Variants in PHIP observed in about 807,000 individuals in gnomAD.
PHIP encodes PHIP subunit of CUL4-Ring ligase complex, also known as PH-interacting protein.
Under a neutral mutation model 236.8 loss-of-function variants are expected in PHIP, and 54 were observed. The observed-to-expected ratio is 0.23, with a 90% confidence interval of 0.18 to 0.29. PHIP has a LOEUF of 0.29. Among genes scored for constraint, PHIP ranks in the 10% least tolerant of loss-of-function variants. The probability of loss-of-function intolerance (pLI) is 1.00; values close to 1 mark genes in which losing one functional copy is unlikely to be tolerated. For missense variants in PHIP, 1,370 were observed against 2,190.8 expected, an observed-to-expected ratio of 0.63 and a Z score of 7.48; for synonymous variants, 756 against 718.9, an observed-to-expected ratio of 1.05 and a Z score of -0.83.
chr6:79,047,719 A>C (rs1006396033), intron 6 of PHIP, among the ~76,000 whole-genome samples: 6 of 152,104 alleles, frequency 3.9e-5, no homozygotes, highest in Admixed American at 1.3e-4. Flanking sequence ...CAAATTTTAC[A>C]CAGTCAATTA....
intron 4 of PHIP, among the ~76,000 whole-genome samples, chr6:79,065,267 C>G (rs1773568663): frequency 6.6e-6 from 1 of 152,076 alleles, no homozygotes; most frequent in Non-Finnish European, 1.5e-5. Context: ...ATCAAGTCAC[C>G]CCTACTTAAA....
chr6:79,047,456 T>C (rs79595576), intron 6 of PHIP, among the ~76,000 whole-genome samples: 1,724 of 152,306 alleles, frequency 0.011, 31 homozygotes, highest in African/African-American at 0.039. Context: ...CTATTGTCTA[T>C]AGCAATCACT....
At position 79,077,498 on chromosome 6, in the gene PHIP, G is replaced by C; in HGVS notation, c.139C>G (p.Arg47Gly). ...REVAEKELLP[R>G]RTDWTGKEHP... ...TCCTTCCCGGTCCAGTCGGTGCGCC[G>C]GGGCAGCAGCTGCGGGGAGAGGACA... is the stretch of plus-strand genomic sequence containing the variant. The change falls in exon 4 of 40, where the codon CGG becomes GGG. Residue 47 changes from arginine (R) to glycine (G), a missense_variant. Physicochemically the swap from Arg to Gly is moderately radical, Grantham distance 125. Transcript: ENST00000275034. The C allele has an allele frequency of 6.4e-7, 1 of 1,556,776 alleles. No homozygotes were observed. Among genetic ancestry groups the C allele is most frequent in the Non-Finnish European group, 8.7e-7 (1 of 1,150,554 alleles).
chr6:78,946,397 G>A, intron 37 of PHIP, 137 bp from the exon 38 acceptor site: 1 of 1,390,202 alleles, frequency 7.2e-7, no homozygotes, highest in Non-Finnish European at 9.5e-7. Context: ...GATTTCATAT[G>A]ATTGTGAGCC....
In PHIP at chr6:79,060,774, T is replaced by C; in HGVS notation, c.234A>G (p.Ile78Met). 1 of 1,612,832 alleles carries C rather than the reference T, an allele frequency of 6.2e-7. No individual in the cohort carries two copies. Among genetic ancestry groups the C allele is most frequent in the Non-Finnish European group, 8.5e-7 (1 of 1,178,860 alleles). Residue 78 changes from isoleucine to methionine, a missense_variant, in exon 5 of 40, where the codon ATA becomes ATG. Around this residue, in one of 14 missense-constraint regions of PHIP, gnomAD observed 82 missense variants for 203.2 expected, o/e 0.40. Transcript: ENST00000275034. ...CAAGAAGAGGTCCTAGTCGATGACATATTTGCAGCAAGTGATCAGGTGCTA... is the reference window on the plus strand; with the variant it reads ...CAAGAAGAGGTCCTAGTCGATGACACATTTGCAGCAAGTGATCAGGTGCTA... ...RHLAPDHLLQ[I>M]CHRLGPLLEQ...
At chr6:78,964,695 G>A (rs187441924) in intron 29 of PHIP, among the ~76,000 whole-genome samples, 3 of 152,174 alleles carry the variant, frequency 2.0e-5, no homozygotes, top group Admixed American at 2.0e-4. Flanking sequence ...GTTTCACCAT[G>A]TTGGTCAGGC....
intron 7 of PHIP, among the ~76,000 whole-genome samples, chr6:79,036,129 CAA>C (rs1317458897): frequency 6.6e-6 from 1 of 152,160 alleles, no homozygotes; most frequent in Non-Finnish European, 1.5e-5. Flanking sequence ...TGTCTCTATT[CAA>C]TACTCTTCTA....
chr6:78,996,308 A>C (rs1328009570), intron 19 of PHIP, among the ~76,000 whole-genome samples: 1 of 152,184 alleles, frequency 6.6e-6, no homozygotes, highest in Non-Finnish European at 1.5e-5. Flanking sequence ...TGTCTGGTGA[A>C]TATTACTTTT....
Position 79,015,094 on chromosome 6 carries a change from A to C in PHIP, c.1512T>G (p.Ser504=). The C allele has an allele frequency of 6.2e-7, 1 of 1,610,734 alleles. No homozygotes were observed. The highest frequency in any genetic ancestry group is 8.5e-7 in the Non-Finnish European group (1 of 1,177,450). Residue 504 remains serine (S), a synonymous_variant, in exon 15 of 40, where the codon TCT becomes TCG. Transcript: ENST00000275034. ...WDLARGVKIR[S]YFNMIEGQGH... is the part of the protein sequence containing the mutation. ...GAATGATAATTACCATATTGAAATA[A>C]GATCGTATTTTGACTCCTCTTGCCA...
At chr6:78,962,248 G>A (rs1341962829) in intron 30 of PHIP, among the ~76,000 whole-genome samples, 1 of 152,038 alleles carries the variant, frequency 6.6e-6, no homozygotes, top group Non-Finnish European at 1.5e-5. Context: ...TATTAGACAA[G>A]TAGAGAAAAG....
chr6:78,985,246 G>C (rs1768789972), intron 22 of PHIP, 106 bp downstream of exon 22: 1 of 684,358 alleles, frequency 1.5e-6, no homozygotes, highest in Admixed American at 2.4e-5. Context: ...ACTCTCTGAA[G>C]AACTTTGAAC....
At chr6:79,025,103 C>T (rs889626992) in intron 9 of PHIP, among the ~76,000 whole-genome samples, 1 of 152,170 alleles carries the variant, frequency 6.6e-6, no homozygotes, top group Non-Finnish European at 1.5e-5. Context: ...TGTCTCCCTA[C>T]ATTTTCCTAG....
At chr6:79,068,018 A>C (rs2127777797) in intron 4 of PHIP, 1 of 159,020 alleles carries the variant, frequency 6.3e-6, no homozygotes, top group South Asian at 2.0e-4. Context: ...CAGCCAAAAA[A>C]TTTTGCCATT....
At chr6:79,048,433 C>A (rs1195948373) in intron 6 of PHIP, among the ~76,000 whole-genome samples, 1 of 151,884 alleles carries the variant, frequency 6.6e-6, no homozygotes, top group African/African-American at 2.4e-5. Flanking sequence ...TTTGAAGGCA[C>A]TAGAAAAATA....
At position 78,958,650 on chromosome 6, in the gene PHIP, T is replaced by C. The variant is rs779018918; in HGVS notation, c.3657-50A>G. The stretch of plus-strand genomic sequence containing the variant: ...TTTAACTTCCTTATATTTAGAAATA[T>C]GTGTACATCATTTAAAACCAAGACA... On this transcript the variant is annotated intron_variant, in intron 31 of 39. Transcript: ENST00000275034. The C allele has an allele frequency of 1.4e-5, 15 of 1,099,312 alleles. No homozygotes were observed. In the Middle Eastern group the frequency reaches 6.1e-4, roughly 45 times the overall value. 68.1% of individuals were successfully genotyped at this position (1,099,312 alleles called of 1,614,324 possible). A position where few individuals can be genotyped will look rare whatever the true frequency, so the allele number is the denominator to read the frequency against.
At chr6:78,977,196 A>C (rs961328402) in intron 24 of PHIP, among the ~76,000 whole-genome samples, 48 of 151,114 alleles carry the variant, frequency 3.2e-4, no homozygotes, top group Non-Finnish European at 5.3e-4. Flanking sequence ...CTATGCAGCT[A>C]TAAAAAATGA....
At chr6:78,957,591 A>C (rs1181132386) in intron 32 of PHIP, 8 of 151,872 alleles carry the variant, frequency 5.3e-5, no homozygotes, top group South Asian at 2.1e-4. Context: ...AAAAAAAAAA[A>C]AAAACTGAAT....
chr6:78,975,061 A>G (rs1767945108), intron 24 of PHIP, among the ~76,000 whole-genome samples: 1 of 151,262 alleles, frequency 6.6e-6, no homozygotes, highest in Admixed American at 6.6e-5. Context: ...CTGGGCAGAG[A>G]CACAACCAAA....
At chr6:79,023,891 CT>C (rs1410821895) in intron 9 of PHIP, among the ~76,000 whole-genome samples, 1 of 152,122 alleles carries the variant, frequency 6.6e-6, no homozygotes, top group African/African-American at 2.4e-5. Context: ...ACTTTTTCTT[CT>C]CTAAAACAAT....
Sources: gnomAD v4.1 joint callset for allele counts (sites outside exome capture counted in the v4.1 genomes callset) on GRCh38, gnomAD v4.1.1 for gene constraint, gnomAD v4.1.1 regional missense constraint, MANE v1.5 for transcripts, NCBI Gene and HGNC (gene_info 2026-07-23, HGNC 2026-07-21) for gene names.